The following TRAPPC9 variants were observed in gnomAD, a reference collection of about 807,000 sequenced individuals.
TRAPPC9 encodes the protein IKK2 binding protein.
A neutral mutation model predicts 124.0 loss-of-function variants in TRAPPC9; 83 were observed. That is an observed-to-expected ratio of 0.67 (90% CI 0.56 to 0.80). The LOEUF (loss-of-function observed/expected upper bound fraction) is 0.80. Among genes scored for constraint, TRAPPC9 ranks in the 30% least tolerant of loss-of-function variants. The pLI is 0.00. For missense variants in TRAPPC9, 1,302 were observed against 1,508.3 expected (o/e 0.86, Z 2.27); for synonymous variants, 638 against 617.5 (o/e 1.03, Z -0.49).
At chr8:139,981,296 G>C (rs995688501) in intron 19 of TRAPPC9, among the ~76,000 whole-genome samples, 1 of 152,154 alleles carries the variant, frequency 6.6e-6, no homozygotes, top group Non-Finnish European at 1.5e-5. Context: ...AACTGACCTC[G>C]GGTCTCCATC....
chr8:139,837,903 G>C (rs374148265), intron 21 of TRAPPC9, among the ~76,000 whole-genome samples: 14 of 152,022 alleles, frequency 9.2e-5, no homozygotes, highest in African/African-American at 3.4e-4. Context: ...CTCCTGGCCC[G>C]GTGGCTACAC....
intron 9 of TRAPPC9, among the ~76,000 whole-genome samples, chr8:140,356,867 C>T (rs866359710): frequency 1.3e-5 from 2 of 152,146 alleles, no homozygotes; most frequent in African/African-American, 2.4e-5. Flanking sequence ...GTCTCACCCT[C>T]CCAAAGTGCT....
intron 17 of TRAPPC9, among the ~76,000 whole-genome samples, chr8:140,152,298 T>C (rs1202210839): frequency 7.3e-6 from 1 of 137,670 alleles, no homozygotes; most frequent in Admixed American, 7.3e-5. Context: ...TACCAAAAAA[T>C]GAGCTTTTGA....
intron 21 of TRAPPC9, among the ~76,000 whole-genome samples, chr8:139,869,957 T>C (rs1828793935): frequency 6.6e-6 from 1 of 152,066 alleles, no homozygotes; most frequent in Non-Finnish European, 1.5e-5. Context: ...GTATTTATAA[T>C]AGGAAATTTT....
chr8:139,777,944 G>C (rs781620051), intron 21 of TRAPPC9, among the ~76,000 whole-genome samples: 2 of 152,090 alleles, frequency 1.3e-5, no homozygotes, highest in Admixed American at 6.6e-5. Flanking sequence ...GAGTTTACAG[G>C]ACAGAATACT....
intron 5 of TRAPPC9, among the ~76,000 whole-genome samples, chr8:140,421,559 T>C (rs911839685): frequency 2.6e-5 from 4 of 152,186 alleles, no homozygotes; most frequent in Non-Finnish European, 5.9e-5. Context: ...AAACAACAGA[T>C]ACTGTTGTCA....
chr8:140,440,577 C>T (rs1033561426), intron 2 of TRAPPC9, among the ~76,000 whole-genome samples: 2 of 152,084 alleles, frequency 1.3e-5, no homozygotes, highest in African/African-American at 4.8e-5. Flanking sequence ...CAGCAGCCTC[C>T]GCCTAGTCTC....
At chr8:140,423,383 T>C (rs1283980360) in intron 5 of TRAPPC9, among the ~76,000 whole-genome samples, 2 of 152,044 alleles carry the variant, frequency 1.3e-5, no homozygotes, top group Non-Finnish European at 2.9e-5. Flanking sequence ...GAGGTTGCAG[T>C]GAGCCAAGAC....
intron 7 of TRAPPC9, among the ~76,000 whole-genome samples, chr8:140,373,895 G>A (rs761696890): frequency 3.3e-5 from 5 of 152,184 alleles, no homozygotes; most frequent in Admixed American, 6.5e-5. Flanking sequence ...TGAGTCGTAC[G>A]AGTTCTGTAT....
intron 16 of TRAPPC9, among the ~76,000 whole-genome samples, chr8:140,239,436 C>T (rs567997565): frequency 5.9e-5 from 9 of 152,258 alleles, no homozygotes; most frequent in African/African-American, 2.2e-4. Flanking sequence ...GTAAGAAAAG[C>T]AAGAGTATTG....
chr8:140,350,232 A>C (rs2067513537), intron 9 of TRAPPC9, among the ~76,000 whole-genome samples: 1 of 146,710 alleles, frequency 6.8e-6, no homozygotes, highest in Non-Finnish European at 1.5e-5. Context: ...AAATAATTGC[A>C]GTGATTATTT....
chr8:140,326,738 G>C (rs1272976907), intron 9 of TRAPPC9, among the ~76,000 whole-genome samples: 1 of 152,106 alleles, frequency 6.6e-6, no homozygotes, highest in Non-Finnish European at 1.5e-5. Context: ...TAAATTAGCT[G>C]GGCGTAATGG....
chr8:140,352,235 T>G (rs896241459), intron 9 of TRAPPC9, among the ~76,000 whole-genome samples: 4 of 152,242 alleles, frequency 2.6e-5, no homozygotes, highest in African/African-American at 9.6e-5. Flanking sequence ...CCTGTGAGCA[T>G]TCTCATATAC....
chr8:140,087,458 G>A lies in TRAPPC9; in HGVS notation c.2557-63379C>T, dbSNP rs1844266399. ...CAGGCTCCCGCACAGCCCCGCTGAA[G>A]AGCCGAACGGTGCTCACACATGACT... is the stretch of plus-strand genomic sequence containing the variant. On this transcript the variant is annotated intron_variant, in intron 17 of 22. Coordinates refer to ENST00000438773, the MANE Select transcript of TRAPPC9 (RefSeq NM_001160372.4). The surrounding 1 kb of genome is among the most constrained non-coding windows in gnomAD (Gnocchi z 4.6). 6.6e-6 allele frequency among the ~76,000 whole-genome samples: 1 copy of A among 152,210 alleles called. No homozygotes were observed. Among genetic ancestry groups the A allele is most frequent in the Admixed American group, 6.5e-5 (1 of 15,288 alleles).
chr8:140,105,347 C>T (rs1228243579), intron 17 of TRAPPC9, among the ~76,000 whole-genome samples: 2 of 152,180 alleles, frequency 1.3e-5, no homozygotes, highest in South Asian at 2.1e-4. Flanking sequence ...TCGGCTAACA[C>T]TGTTGAATCT....
At chr8:140,067,878 G>A (rs914086980) in intron 17 of TRAPPC9, among the ~76,000 whole-genome samples, 5 of 152,220 alleles carry the variant, frequency 3.3e-5, no homozygotes, top group African/African-American at 1.2e-4. Flanking sequence ...GTGCTCTACA[G>A]GACTGTGGAA....
rs191270977 is a variant in TRAPPC9 at position 140,225,339 on chromosome 8, A to G, written c.2432-3756T>C. ...TCCAGTATTTAGTTGACACGCACACAGTTTACACACACACGCTCAATAAAA... is the reference window on the plus strand; with the variant it reads ...TCCAGTATTTAGTTGACACGCACACGGTTTACACACACACGCTCAATAAAA... On this transcript the variant is annotated intron_variant, in intron 16 of 22. Transcript: ENST00000438773. Among the ~76,000 whole-genome samples, 411 of 152,308 alleles carry G rather than the reference A, an allele frequency of 2.7e-3. 3 individuals are homozygous for G. The highest frequency in any genetic ancestry group is 9.3e-3 in the African/African-American group (388 of 41,566).
chr8:139,900,458 T>C (rs1325273222), intron 20 of TRAPPC9, among the ~76,000 whole-genome samples: 1 of 152,234 alleles, frequency 6.6e-6, no homozygotes, highest in East Asian at 1.9e-4. Flanking sequence ...GAGACCAAGT[T>C]GGGGGCCTCC....
At chr8:140,094,001 A>G (rs748209209) in intron 17 of TRAPPC9, among the ~76,000 whole-genome samples, 2 of 151,894 alleles carry the variant, frequency 1.3e-5, no homozygotes, top group Non-Finnish European at 2.9e-5. Context: ...TTCCATACTG[A>G]CCCTCCCCAG....
Sources: gnomAD v4.1 joint callset for allele counts (sites outside exome capture counted in the v4.1 genomes callset) on GRCh38, gnomAD v4.1.1 for gene constraint, Gnocchi (gnomAD v3.1) non-coding constraint, MANE v1.5 for transcripts, NCBI Gene and HGNC (gene_info 2026-07-23, HGNC 2026-07-21) for gene names.